The following EML1 variants were observed in gnomAD, a reference collection of about 807,000 sequenced individuals.
EML1 encodes the protein echinoderm microtubule-associated protein-like 1.
Under a neutral mutation model 110.4 loss-of-function variants are expected in EML1, and 27 were observed. The observed-to-expected ratio is 0.24, with a 90% confidence interval of 0.18 to 0.34. The LOEUF is 0.34. Ranked by LOEUF, EML1 falls within the 10% of genes least tolerant of loss-of-function variation. The probability of loss-of-function intolerance (pLI) is 1.00; values close to 1 mark genes in which losing one functional copy is unlikely to be tolerated. For synonymous variants in EML1, 344 were observed against 385.8 expected (o/e 0.89, Z 1.27); for missense variants, 741 against 1,030.9 (o/e 0.72, Z 3.85).
intron 6 of EML1, among the ~76,000 whole-genome samples, chr14:99,896,855 C>T (rs13379200): frequency 0.56 from 84,720 of 151,580 alleles, 24,082 homozygotes; most frequent in African/African-American, 0.67. Context: ...AAATTTAGCT[C>T]GTAGATTACA....
At chr14:99,910,478 C>T in intron 12 of EML1, 137 bp downstream of exon 12, 1 of 615,174 alleles carries the variant, frequency 1.6e-6, no homozygotes, top group Non-Finnish European at 2.7e-6. Context: ...CACACACATA[C>T]ATGTGTGCAT....
At chr14:99,835,058 G>A (rs12883107) in intron 1 of EML1, among the ~76,000 whole-genome samples, 52,342 of 151,858 alleles carry the variant, frequency 0.34, 9,624 homozygotes, top group South Asian at 0.49. Flanking sequence ...CTGAGCTCAA[G>A]CAATCCACCT....
At chr14:99,893,285 G>A (rs755585837) in intron 5 of EML1, among the ~76,000 whole-genome samples, 1 of 152,166 alleles carries the variant, frequency 6.6e-6, no homozygotes, top group Non-Finnish European at 1.5e-5. Flanking sequence ...GCCTTGGTGG[G>A]TTTGGCAGCA....
At chr14:99,922,732 A>G (rs1025961392) in intron 17 of EML1, among the ~76,000 whole-genome samples, 8 of 152,114 alleles carry the variant, frequency 5.3e-5, no homozygotes, top group Non-Finnish European at 8.8e-5. Context: ...TGTTTCCCTA[A>G]TGACTATTGA....
chr14:99,802,266 G>A (rs1339134924), intron 1 of EML1, among the ~76,000 whole-genome samples: 1 of 152,152 alleles, frequency 6.6e-6, no homozygotes. Context: ...GACTGGGAGC[G>A]TGTTTTGGGG....
intron 1 of EML1, among the ~76,000 whole-genome samples, chr14:99,764,439 C>A (rs1221498034): frequency 6.6e-6 from 1 of 152,248 alleles, no homozygotes; most frequent in Non-Finnish European, 1.5e-5. Flanking sequence ...CTGGCCGAGG[C>A]AGAGCCCTGG....
At chr14:99,937,507 G>A (rs1410727900) in intron 19 of EML1, among the ~76,000 whole-genome samples, 1 of 152,096 alleles carries the variant, frequency 6.6e-6, no homozygotes, top group Non-Finnish European at 1.5e-5. Flanking sequence ...AGGGGCTCGG[G>A]TGGGGGTGGG....
intron 4 of EML1, among the ~76,000 whole-genome samples, chr14:99,890,424 G>A (rs1250998186): frequency 2.0e-5 from 3 of 152,194 alleles, no homozygotes; most frequent in African/African-American, 7.2e-5. Context: ...GTCATGGGAG[G>A]GGTGCCCCTG....
chr14:99,741,193 G>C (rs1410155344), intron 1 of EML1, among the ~76,000 whole-genome samples: 1 of 152,162 alleles, frequency 6.6e-6, no homozygotes, highest in Non-Finnish European at 1.5e-5. Context: ...AGCAGGTATG[G>C]TAAGGACAGG....
chr14:99,891,516 A>T (rs1484444658), intron 5 of EML1, among the ~76,000 whole-genome samples: 1 of 152,200 alleles, frequency 6.6e-6, no homozygotes, highest in Non-Finnish European at 1.5e-5. Flanking sequence ...GCCATGATGG[A>T]ATTTCTAGAT....
chr14:99,893,523 G>A (rs1268471337), intron 5 of EML1, among the ~76,000 whole-genome samples: 2 of 152,122 alleles, frequency 1.3e-5, no homozygotes, highest in Non-Finnish European at 2.9e-5. Flanking sequence ...GACCTGAAGC[G>A]CATACACACA....
intron 6 of EML1, among the ~76,000 whole-genome samples, chr14:99,896,389 G>A (rs1389671583): frequency 1.3e-5 from 2 of 151,748 alleles, no homozygotes; most frequent in African/African-American, 4.8e-5. Context: ...AAATGTCATA[G>A]GCATTTACCT....
intron 4 of EML1, chr14:99,883,489 C>T (rs1369619085): frequency 6.6e-6 from 1 of 151,204 alleles, no homozygotes; most frequent in Non-Finnish European, 1.5e-5. Context: ...TGCGATCATA[C>T]CACTGTACTC....
intron 1 of EML1, among the ~76,000 whole-genome samples, chr14:99,747,189 A>AG (rs2057120576): frequency 8.7e-6 from 1 of 114,796 alleles, no homozygotes; most frequent in South Asian, 2.7e-4. Context: ...CCCCGTCTCA[A>AG]AAAAAAAAAA....
chr14:99,767,210 C>T (rs2057376393), intron 1 of EML1, among the ~76,000 whole-genome samples: 1 of 152,294 alleles, frequency 6.6e-6, no homozygotes, highest in Middle Eastern at 3.4e-3. Context: ...TTACTATAGC[C>T]GAGAGGGAGC....
At chr14:99,914,438 A>G in intron 14 of EML1, 128 bp from the exon 15 acceptor site, 1 of 1,528,196 alleles carries the variant, frequency 6.5e-7, no homozygotes, top group Non-Finnish European at 8.8e-7. Context: ...CTGCTGAAAG[A>G]TGGGAGGAGA....
chr14:99,936,414 C>A lies in EML1; in HGVS notation c.2095+80C>A. ...GAGATCCAGGGGGCCTCTGTGAGAA[C>A]CCACCTCCTGTATGACTTAGGCACG... On this transcript the variant is annotated intron_variant, in intron 19 of 21. Transcript: ENST00000262233. The surrounding 1 kb of genome is among the most constrained non-coding windows in gnomAD (Gnocchi z 5.5). The A allele has an allele frequency of 1.5e-6, 2 of 1,314,560 alleles. No individual in the cohort carries two copies. The highest frequency in any genetic ancestry group is 1.8e-5 in the Admixed American group (1 of 54,188). The allele number at this position is 1,314,560 out of a possible 1,614,324, so 81.4% of individuals were successfully genotyped here.
At chr14:99,791,424 T>C (rs2140228352), upstream of EML1, among the ~76,000 whole-genome samples, 1 of 152,336 alleles carries the variant, frequency 6.6e-6, no homozygotes, top group East Asian at 1.9e-4. Flanking sequence ...GGAATGTCCT[T>C]CTCTCTCCTT....
At chr14:99,811,173 T>G (rs2058072605) in intron 1 of EML1, among the ~76,000 whole-genome samples, 1 of 151,896 alleles carries the variant, frequency 6.6e-6, no homozygotes, top group Non-Finnish European at 1.5e-5. Context: ...GGGGTTTTTT[T>G]TTTGTTTTTT....
Sources: allele counts gnomAD v4.1 joint callset (sites outside exome capture counted in the v4.1 genomes callset), GRCh38; gene constraint gnomAD v4.1.1; non-coding constraint Gnocchi (gnomAD v3.1); transcripts MANE v1.5; gene names NCBI Gene and HGNC (gene_info 2026-07-23, HGNC 2026-07-21).